DPYSL2: variants seen among roughly 807,000 people sequenced by gnomAD.
DPYSL2 encodes the protein dihydropyrimidinase like 2.
In DPYSL2, 13 loss-of-function variants were observed where a neutral mutation model predicts 69.9. The observed-to-expected ratio is 0.19, with a 90% CI of 0.12 to 0.30. The LOEUF (loss-of-function observed/expected upper bound fraction) is 0.30, where lower values mean the gene tolerates loss of function less well. Ranked by LOEUF, DPYSL2 falls within the 10% of genes least tolerant of loss-of-function variation. The probability of loss-of-function intolerance (pLI) is 1.00; values close to 1 mark genes in which losing one functional copy is unlikely to be tolerated. For synonymous variants in DPYSL2, 326 were observed against 359.1 expected (o/e 0.91, Z 1.04); for missense variants, 587 against 918.9 (o/e 0.64, Z 4.67).
intron 1 of DPYSL2, among the ~76,000 whole-genome samples, chr8:26,556,285 A>AGTATATATATGGTATATATATACT (rs1261734787): frequency 3.2e-4 from 1 of 3,100 alleles, no homozygotes; most frequent in Non-Finnish European, 1.0e-3. Context: ...GTATTTATAT[A>AGTATATATATGGTATATATATACT]ATATATATAG....
Position 26,654,906 on chromosome 8 carries a change from A to G in DPYSL2, c.1943-709A>G, listed in dbSNP as rs984307886. ...ACCCAGGCTAGAGTGCAGTGGTGCA[A>G]TCACAGCTCACTGCAGCCTCGACCT... On this transcript the variant is annotated intron_variant, in intron 13 of 13. Transcript: ENST00000521913. The surrounding 1 kb of genome is among the most constrained non-coding windows in gnomAD (Gnocchi z 5.0). Among the ~76,000 whole-genome samples, 6 of 152,156 alleles carry G rather than the reference A, an allele frequency of 3.9e-5. No individual in the cohort carries two copies. The highest frequency in any genetic ancestry group is 3.9e-4 in the Admixed American group (6 of 15,276).
chr8:26,601,087 C>T (rs1170840115), intron 3 of DPYSL2, among the ~76,000 whole-genome samples: 1 of 152,196 alleles, frequency 6.6e-6, no homozygotes, highest in South Asian at 2.1e-4. Context: ...GAGATTCCCT[C>T]CTGATCTCCA....
At chr8:26,594,453 A>G (rs975822047) in intron 3 of DPYSL2, among the ~76,000 whole-genome samples, 1 of 152,088 alleles carries the variant, frequency 6.6e-6, no homozygotes, top group African/African-American at 2.4e-5. Context: ...TACCAAATCT[A>G]CCATCTATCT....
intron 1 of DPYSL2, among the ~76,000 whole-genome samples, chr8:26,569,423 T>G (rs1398322632): frequency 6.6e-6 from 1 of 150,668 alleles, no homozygotes; most frequent in African/African-American, 2.4e-5. Flanking sequence ...GAATCAGGAT[T>G]AGAGAATGGC....
chr8:26,584,812 G>T (rs1028356944), intron 3 of DPYSL2, among the ~76,000 whole-genome samples: 1 of 151,814 alleles, frequency 6.6e-6, no homozygotes, highest in Non-Finnish European at 1.5e-5. Flanking sequence ...AGAGACGGGG[G>T]TCTTCCATGT....
chr8:26,649,724 A>G (rs73567702), intron 11 of DPYSL2, among the ~76,000 whole-genome samples: 1 of 152,188 alleles, frequency 6.6e-6, no homozygotes, highest in Non-Finnish European at 1.5e-5. Flanking sequence ...CCCTGTTGCT[A>G]AGCCTTTGCT....
chr8:26,599,304 TC>T (rs1471109114), intron 3 of DPYSL2, among the ~76,000 whole-genome samples: 1 of 152,096 alleles, frequency 6.6e-6, no homozygotes, highest in Non-Finnish European at 1.5e-5. Context: ...ATTTTTGTGG[TC>T]CCCCTGGCAG....
intron 11 of DPYSL2, among the ~76,000 whole-genome samples, chr8:26,649,801 G>A (rs1351431043): frequency 2.0e-5 from 3 of 152,188 alleles, no homozygotes; most frequent in Non-Finnish European, 4.4e-5. Context: ...GGTTAAAAAT[G>A]TCTATGCATG....
intron 8 of DPYSL2, 33 bp downstream of exon 8, chr8:26,634,933 G>T: frequency 1.2e-6 from 2 of 1,612,874 alleles, no homozygotes; most frequent in Non-Finnish European, 1.7e-6. Flanking sequence ...CTGATGGCAG[G>T]TGGGGAGGTT....
In DPYSL2 at chr8:26,647,041, A is replaced by T. The variant is rs1468526708; in HGVS notation, c.1426-589A>T. On this transcript the variant is annotated intron_variant, in intron 10 of 13. Transcript: ENST00000521913. The surrounding 1 kb of genome is among the most constrained non-coding windows in gnomAD (Gnocchi z 5.1). ...CTGTGGCTGTATTTTGTTGAAAAGG[A>T]CAGCCAATTGGGCCAAATGATATTT... Among the ~76,000 whole-genome samples the T allele has an allele frequency of 6.6e-6, 1 of 152,120 alleles. No individual in the cohort carries two copies. The highest frequency in any genetic ancestry group is 1.5e-5 in the Non-Finnish European group (1 of 68,012).
At position 26,624,246 on chromosome 8, in the gene DPYSL2, G is replaced by A; in HGVS notation, c.732G>A (p.Val244=). 1 of 1,614,172 alleles carries A rather than the reference G, an allele frequency of 6.2e-7. No homozygotes were observed. Among genetic ancestry groups the A allele is most frequent in the Non-Finnish European group, 8.5e-7 (1 of 1,179,998 alleles). Residue 244 remains valine, a synonymous_variant, in exon 4 of 14, where the codon GTG becomes GTA. Coordinates refer to ENST00000521913, the MANE Select transcript of DPYSL2 (RefSeq NM_001197293.3). This position sits in a 1 kb window ranked among gnomAD's most constrained non-coding sequence, Gnocchi z 4.7. ...SKSCCDYSLH[V]DISEWHKGIQ... ...CCTGCTGTGACTACTCTCTGCATGT[G>A]GACATCAGTGAGTGGCATAAGGGCA...
At position 26,610,024 on chromosome 8, in the gene DPYSL2, A is replaced by G. The variant is rs953568238; in HGVS notation, c.629-14119A>G. Among the ~76,000 whole-genome samples, 2 of 152,130 alleles carry G rather than the reference A, an allele frequency of 1.3e-5. No individual in the cohort carries two copies. The highest frequency in any genetic ancestry group is 4.8e-5 in the African/African-American group (2 of 41,432). On this transcript the variant is annotated intron_variant, in intron 3 of 13. Transcript: ENST00000521913. This position sits in a 1 kb window ranked among gnomAD's most constrained non-coding sequence, Gnocchi z 4.5. ...ACACAGGCACACACATGAGAAAGGG[A>G]CGGGGAAAGCTAGGGTGTCCACCCC...
rs1284897606 is a variant in DPYSL2 at position 26,565,096 on chromosome 8, T to C, written c.355-16873T>C. ...GCTCCACCCGAATTACTGCAAAAGA[T>C]ATTATATCATTCTTTATCATTCTGT... On this transcript the variant is annotated intron_variant, in intron 1 of 13. Transcript: ENST00000521913. This position sits in a 1 kb window ranked among gnomAD's most constrained non-coding sequence, Gnocchi z 4.1. 8.5e-5 allele frequency among the ~76,000 whole-genome samples: 13 copies of C among 152,326 alleles called. No homozygotes were observed. The highest frequency in any genetic ancestry group is 3.9e-4 in the East Asian group (2 of 5,184).
chr8:26,550,599 G>C (rs2117635608), intron 1 of DPYSL2, among the ~76,000 whole-genome samples: 1 of 152,256 alleles, frequency 6.6e-6, no homozygotes, highest in South Asian at 2.1e-4. Context: ...AGAAAGATAT[G>C]TTATGTCTTT....
At chr8:26,584,874 C>A (rs1585525410) in intron 3 of DPYSL2, among the ~76,000 whole-genome samples, 1 of 152,240 alleles carries the variant, frequency 6.6e-6, no homozygotes, top group South Asian at 2.1e-4. Context: ...CTGCCTCGGC[C>A]TCCCAAAGTG....
chr8:26,536,442 G>A (rs1044922267), intron 1 of DPYSL2, among the ~76,000 whole-genome samples: 5 of 151,960 alleles, frequency 3.3e-5, no homozygotes, highest in African/African-American at 7.2e-5. Context: ...AGGCTGAGGC[G>A]GTTGGATCAC....
chr8:26,606,769 T>C (rs1199872194), intron 3 of DPYSL2, among the ~76,000 whole-genome samples: 1 of 152,224 alleles, frequency 6.6e-6, no homozygotes, highest in Non-Finnish European at 1.5e-5. Context: ...GATTCACTTT[T>C]ATCTGTTTTA....
chr8:26,658,059 C>T lies in DPYSL2; in HGVS notation c.*2353C>T, dbSNP rs1402706399. On this transcript the variant is annotated 3_prime_UTR_variant, in exon 14 of 14. Transcript: ENST00000521913. This position sits in a 1 kb window ranked among gnomAD's most constrained non-coding sequence, Gnocchi z 4.7. ...AGAAGAGTACTTTTTTTTTTGTAAC[C>T]ACTGTCTTGATGGCAAAATAATTAT... The T allele has an allele frequency of 5.3e-5, 8 of 152,174 alleles. No individual in the cohort carries two copies. The highest frequency in any genetic ancestry group is 1.9e-4 in the African/African-American group (8 of 41,324). 9.4% of individuals were successfully genotyped at this position (152,174 alleles called of 1,614,324 possible).
intron 1 of DPYSL2, among the ~76,000 whole-genome samples, chr8:26,569,374 A>C (rs868217322): frequency 0.41 from 38,447 of 93,810 alleles, 7,806 homozygotes; most frequent in East Asian, 0.65. Flanking sequence ...ACAAAAACAA[A>C]AACAAAAAAA....
Sources: gnomAD v4.1 joint callset for allele counts (sites outside exome capture counted in the v4.1 genomes callset) on GRCh38, gnomAD v4.1.1 for gene constraint, Gnocchi (gnomAD v3.1) non-coding constraint, MANE v1.5 for transcripts, NCBI Gene and HGNC (gene_info 2026-07-23, HGNC 2026-07-21) for gene names.